Variants in CTNND2 observed in about 807,000 individuals in gnomAD.
The protein encoded by CTNND2 is catenin delta-2.
CTNND2 carries 22 observed loss-of-function variants against 144.4 expected under a neutral mutation model. That is an observed-to-expected ratio of 0.15 (90% CI 0.11 to 0.22). The LOEUF is 0.22. Among genes scored for constraint, CTNND2 ranks in the 10% least tolerant of loss-of-function variants. The pLI is 1.00. For missense variants in CTNND2, 1,353 were observed against 1,618.8 expected, an observed-to-expected ratio of 0.84 and a Z score of 2.82; for synonymous variants, 751 against 695.6, an observed-to-expected ratio of 1.08 and a Z score of -1.25.
chr5:11,116,428 TG>T (rs769900120), intron 13 of CTNND2, among the ~76,000 whole-genome samples: 1 of 152,248 alleles, frequency 6.6e-6, no homozygotes, highest in Non-Finnish European at 1.5e-5. Flanking sequence ...GGGTGGCTCT[TG>T]AGAAATCCTT....
intron 12 of CTNND2, among the ~76,000 whole-genome samples, chr5:11,153,074 G>A (rs1034951207): frequency 2.0e-5 from 3 of 152,094 alleles, no homozygotes; most frequent in African/African-American, 7.2e-5. Flanking sequence ...GACTAGCCTG[G>A]CCAACACGGT....
At chr5:11,292,346 T>C (rs7733172) in intron 9 of CTNND2, among the ~76,000 whole-genome samples, 1 of 152,108 alleles carries the variant, frequency 6.6e-6, no homozygotes, top group Non-Finnish European at 1.5e-5. Context: ...CAATCCAATA[T>C]TACTGGCTGG....
intron 3 of CTNND2, among the ~76,000 whole-genome samples, chr5:11,564,253 A>C (rs550506750): frequency 5.3e-5 from 8 of 152,206 alleles, no homozygotes; most frequent in Non-Finnish European, 1.0e-4. Flanking sequence ...ACCATCTAAC[A>C]AGAGCGTTTT....
chr5:11,078,536 T>C (rs547543263), intron 16 of CTNND2, among the ~76,000 whole-genome samples: 86 of 152,296 alleles, frequency 5.6e-4, no homozygotes, highest in Non-Finnish European at 1.0e-3. Flanking sequence ...GAAGACTAGA[T>C]AACTGGCTTT....
At chr5:11,051,032 GCTCAGAATAGACA>G (rs1382533358) in intron 16 of CTNND2, among the ~76,000 whole-genome samples, 13 of 152,204 alleles carry the variant, frequency 8.5e-5, no homozygotes, top group African/African-American at 3.1e-4. Flanking sequence ...GCTATAGGAA[GCTCAGAATAGACA>G]GCCTTTGCTT....
At chr5:11,240,286 C>T (rs1440387646) in intron 9 of CTNND2, among the ~76,000 whole-genome samples, 20 of 121,300 alleles carry the variant, frequency 1.6e-4, no homozygotes, top group African/African-American at 4.7e-4. Flanking sequence ...CACACACACA[C>T]TCAAACACAC....
intron 7 of CTNND2, among the ~76,000 whole-genome samples, chr5:11,379,078 C>T (rs754137307): frequency 6.6e-6 from 1 of 152,076 alleles, no homozygotes; most frequent in Non-Finnish European, 1.5e-5. Flanking sequence ...GTCTACAACT[C>T]GTATTTCTTT....
At chr5:11,614,103 T>G (rs750275605) in intron 2 of CTNND2, among the ~76,000 whole-genome samples, 13 of 152,198 alleles carry the variant, frequency 8.5e-5, no homozygotes, top group Non-Finnish European at 1.5e-5. Context: ...TATACTTCTT[T>G]TTTTAAAATA....
intron 21 of CTNND2, among the ~76,000 whole-genome samples, chr5:10,975,711 C>T (rs1736378938): frequency 6.6e-6 from 1 of 152,162 alleles, no homozygotes. Flanking sequence ...ATAAGAAAGT[C>T]GGTGGACAAA....
chr5:11,087,656 A>C (rs949197580), intron 15 of CTNND2, among the ~76,000 whole-genome samples: 2 of 152,140 alleles, frequency 1.3e-5, no homozygotes, highest in Non-Finnish European at 2.9e-5. Flanking sequence ...AGTCAAGATG[A>C]CTAGTGAAGA....
intron 2 of CTNND2, among the ~76,000 whole-genome samples, chr5:11,686,969 T>A (rs937309434): frequency 7.9e-5 from 12 of 151,762 alleles, no homozygotes; most frequent in Admixed American, 2.0e-4. Flanking sequence ...TATTTTTCAT[T>A]TCCCATCCCT....
Position 10,988,610 on chromosome 5 carries a change from T to A in CTNND2, c.3212-368A>T, listed in dbSNP as rs1328526496. Among the ~76,000 whole-genome samples, 1 of 152,200 alleles carries A rather than the reference T, an allele frequency of 6.6e-6. No homozygotes were observed. The highest frequency in any genetic ancestry group is 1.5e-5 in the Non-Finnish European group (1 of 68,026). ...TTTCTTCCTTTCTCTTCTCTTTTCC[T>A]TCCCTTTCCTTCCCGTGCTCCCTTC... On this transcript the variant is annotated intron_variant, in intron 19 of 21. Coordinates refer to ENST00000304623, the MANE Select transcript of CTNND2 (RefSeq NM_001332.4). The surrounding 1 kb of genome is among the most constrained non-coding windows in gnomAD (Gnocchi z 5.9).
chr5:11,269,867 T>C (rs1745815350), intron 9 of CTNND2, among the ~76,000 whole-genome samples: 1 of 152,174 alleles, frequency 6.6e-6, no homozygotes, highest in African/African-American at 2.4e-5. Flanking sequence ...GAAAGTTAGA[T>C]GCTTCTCTAG....
intron 9 of CTNND2, among the ~76,000 whole-genome samples, chr5:11,315,786 A>G (rs1751418182): frequency 6.6e-6 from 1 of 152,222 alleles, no homozygotes; most frequent in South Asian, 2.1e-4. Context: ...GGATGGCTAC[A>G]ATTCTTTATC....
At chr5:11,706,517 A>G (rs1433352436) in intron 2 of CTNND2, among the ~76,000 whole-genome samples, 2 of 152,198 alleles carry the variant, frequency 1.3e-5, no homozygotes, top group African/African-American at 2.4e-5. Context: ...AAGGCAGATA[A>G]GCACCACCAA....
chr5:11,727,345 C>G lies in CTNND2; in HGVS notation c.174+4791G>C, dbSNP rs553120512. 3.6e-4 allele frequency among the ~76,000 whole-genome samples: 55 copies of G among 152,244 alleles called. 1 individual carries two copies. Among genetic ancestry groups the G allele is most frequent in the African/African-American group, 1.3e-3 (53 of 41,550 alleles). On this transcript the variant is annotated intron_variant, in intron 2 of 21. Coordinates refer to ENST00000304623, the MANE Select transcript of CTNND2 (RefSeq NM_001332.4). ...TTCCATCCTGTACGTATGAAACTCACAAGGCTTTCTGATCCTTGCTCCCCC... is the reference window on the plus strand; with the variant it reads ...TTCCATCCTGTACGTATGAAACTCAGAAGGCTTTCTGATCCTTGCTCCCCC...
At chr5:11,344,930 TC>T (rs1364661820) in intron 9 of CTNND2, among the ~76,000 whole-genome samples, 1 of 152,222 alleles carries the variant, frequency 6.6e-6, no homozygotes, top group African/African-American at 2.4e-5. Context: ...TAATTTGGTT[TC>T]TTATTAAGCT....
In CTNND2 at chr5:11,159,729, G is replaced by T; in HGVS notation, c.2006C>A (p.Ala669Glu). 1 of 1,605,514 alleles carries T rather than the reference G, an allele frequency of 6.2e-7. No homozygotes were observed. Among genetic ancestry groups the T allele is most frequent in the South Asian group, 1.1e-5 (1 of 89,448 alleles). Residue 669 changes from alanine to glutamate, a missense_variant, in exon 12 of 22, where the codon GCA becomes GAA. Ala to Glu is a moderately radical substitution (Grantham distance 107). This residue lies in a region of CTNND2 where 117 missense variants were observed against 117.8 expected (regional missense o/e 0.99). Coordinates refer to ENST00000304623, the MANE Select transcript of CTNND2 (RefSeq NM_001332.4). Reference protein sequence around the residue: ...GVLWNLSSCDALKMPIIQDAL... With the variant: ...GVLWNLSSCDELKMPIIQDAL... ...ATCCTGGATGATTGGCATTTTGAGTGCATCGCATGAGGAGAGGTTCCAAAG... is the reference window on the plus strand; with the variant it reads ...ATCCTGGATGATTGGCATTTTGAGTTCATCGCATGAGGAGAGGTTCCAAAG...
chr5:11,147,280 C>G (rs1020593770), intron 12 of CTNND2, among the ~76,000 whole-genome samples: 3 of 152,106 alleles, frequency 2.0e-5, no homozygotes, highest in Non-Finnish European at 2.9e-5. Flanking sequence ...TTGACAAGGC[C>G]ATAGAGAAGG....
Sources: allele counts gnomAD v4.1 joint callset (sites outside exome capture counted in the v4.1 genomes callset), GRCh38; gene constraint gnomAD v4.1.1; regional missense constraint gnomAD v4.1.1; non-coding constraint Gnocchi (gnomAD v3.1); transcripts MANE v1.5; gene names NCBI Gene and HGNC (gene_info 2026-07-23, HGNC 2026-07-21).